Variants in SNTG1 observed in about 807,000 individuals in gnomAD.
SNTG1 encodes the protein gamma-1-syntrophin.
Under a neutral mutation model 74.7 loss-of-function variants are expected in SNTG1, and 39 were observed. The ratio of observed to expected loss-of-function variants is 0.52; its 90% CI spans 0.40 to 0.68. The LOEUF (loss-of-function observed/expected upper bound fraction) is 0.68, where lower values mean the gene tolerates loss of function less well. Among genes scored for constraint, SNTG1 ranks in the 30% least tolerant of loss-of-function variants. SNTG1 has a pLI of 0.00. For synonymous variants in SNTG1, 254 were observed against 217.1 expected, an observed-to-expected ratio of 1.17 and a Z score of -1.49; for missense variants, 685 against 609.5, an observed-to-expected ratio of 1.12 and a Z score of -1.30.
intron 2 of SNTG1, among the ~76,000 whole-genome samples, chr8:50,267,603 T>A (rs1278680471): frequency 2.6e-5 from 4 of 152,118 alleles, no homozygotes; most frequent in Admixed American, 2.6e-4. Flanking sequence ...ACTTAGCAGT[T>A]CCTCAAAATA....
intron 2 of SNTG1, among the ~76,000 whole-genome samples, chr8:50,216,077 G>A (rs1190390978): frequency 6.6e-6 from 1 of 152,054 alleles, no homozygotes; most frequent in Admixed American, 6.6e-5. Flanking sequence ...CTGATTCTTT[G>A]GTACTGACAG....
At chr8:50,543,424 G>A (rs998681283) in intron 11 of SNTG1, among the ~76,000 whole-genome samples, 1 of 151,312 alleles carries the variant, frequency 6.6e-6, no homozygotes, top group Admixed American at 6.6e-5. Context: ...TGCTCCATTG[G>A]TCTATGTGTC....
chr8:50,338,306 T>A (rs1175393562), intron 2 of SNTG1, among the ~76,000 whole-genome samples: 1 of 151,994 alleles, frequency 6.6e-6, no homozygotes, highest in East Asian at 1.9e-4. Context: ...GCAAGACAAA[T>A]GCAATAGCTC....
At chr8:49,969,208 G>A (rs1304496158) in intron 1 of SNTG1, among the ~76,000 whole-genome samples, 2 of 151,834 alleles carry the variant, frequency 1.3e-5, no homozygotes, top group African/African-American at 4.8e-5. Context: ...AAGAGGCTTG[G>A]TTTACTTTTT....
chr8:50,187,239 A>G (rs1480702509), intron 2 of SNTG1, among the ~76,000 whole-genome samples: 2 of 152,160 alleles, frequency 1.3e-5, no homozygotes, highest in Non-Finnish European at 2.9e-5. Flanking sequence ...ACAAAGCTGG[A>G]GGCACCCTGC....
At chr8:50,500,863 C>T (rs1412208071) in intron 8 of SNTG1, among the ~76,000 whole-genome samples, 1 of 152,040 alleles carries the variant, frequency 6.6e-6, no homozygotes, top group African/African-American at 2.4e-5. Flanking sequence ...ATGGAGGGTT[C>T]CTCCCTGCTG....
chr8:50,623,490 T>C (rs1245263028), intron 13 of SNTG1, among the ~76,000 whole-genome samples: 1 of 152,148 alleles, frequency 6.6e-6, no homozygotes, highest in Non-Finnish European at 1.5e-5. Context: ...AATGAAGTTC[T>C]AGAATAGGAA....
At position 50,394,213 on chromosome 8, in the gene SNTG1, C is replaced by CAA. The variant is rs1563327431; in HGVS notation, c.-26_-25insAA. On this transcript the variant is annotated splice_region_variant and 5_prime_UTR_variant, in exon 3 of 19. Coordinates refer to ENST00000642720, the MANE Select transcript of SNTG1 (RefSeq NM_018967.5). ...CTTACCATTTCTGTGTCTTTTCAGA[C>CAA]GACATCCTTTGTGGTGCCACAGCAC... 1 of 1,612,398 alleles carries CAA rather than the reference C, an allele frequency of 6.2e-7. No individual in the cohort carries two copies. Among genetic ancestry groups the CAA allele is most frequent in the Non-Finnish European group, 8.5e-7 (1 of 1,178,958 alleles).
chr8:50,398,758 C>T (rs928931900), intron 3 of SNTG1, among the ~76,000 whole-genome samples: 2 of 152,084 alleles, frequency 1.3e-5, no homozygotes, highest in East Asian at 1.9e-4. Context: ...GGTGAAACCC[C>T]GTCTCTACTA....
chr8:50,407,099 G>T (rs894233918), intron 4 of SNTG1, among the ~76,000 whole-genome samples: 2 of 152,042 alleles, frequency 1.3e-5, no homozygotes, highest in African/African-American at 2.4e-5. Flanking sequence ...GTGTTGTATT[G>T]CCACAATACA....
chr8:50,578,090 C>G (rs1317783226), intron 12 of SNTG1, among the ~76,000 whole-genome samples: 1 of 152,220 alleles, frequency 6.6e-6, no homozygotes. Flanking sequence ...TATGGACATT[C>G]TGCTAGACTG....
intron 2 of SNTG1, among the ~76,000 whole-genome samples, chr8:50,280,805 T>G (rs1404565266): frequency 6.6e-6 from 1 of 151,874 alleles, no homozygotes. Flanking sequence ...ATGGCAAATT[T>G]TTCCTGTCTG....
intron 8 of SNTG1, among the ~76,000 whole-genome samples, chr8:50,460,637 G>GT (rs2093552401): frequency 6.6e-6 from 1 of 152,072 alleles, no homozygotes; most frequent in Non-Finnish European, 1.5e-5. Context: ...TTAACTCTTT[G>GT]ATACATCTTG....
intron 1 of SNTG1, among the ~76,000 whole-genome samples, chr8:50,029,328 C>T (rs1193051224): frequency 1.3e-5 from 2 of 152,046 alleles, no homozygotes; most frequent in Non-Finnish European, 1.5e-5. Flanking sequence ...AAACATTTAT[C>T]ATTTCTTTGT....
chr8:50,376,756 T>TATATATATAGAGAG (rs1381048539), intron 2 of SNTG1, among the ~76,000 whole-genome samples: 54 of 89,938 alleles, frequency 6.0e-4, no homozygotes, highest in South Asian at 2.1e-3. Flanking sequence ...TATATATATA[T>TATATATATAGAGAG]AGAGAGAGAG....
At chr8:50,272,928 G>C (rs1282061164) in intron 2 of SNTG1, among the ~76,000 whole-genome samples, 1 of 149,840 alleles carries the variant, frequency 6.7e-6, no homozygotes, top group Non-Finnish European at 1.5e-5. Flanking sequence ...AAAAATTCTA[G>C]AGACAGAGTC....
chr8:50,146,124 T>C (rs1486924402), intron 1 of SNTG1, among the ~76,000 whole-genome samples: 1 of 152,110 alleles, frequency 6.6e-6, no homozygotes, highest in Non-Finnish European at 1.5e-5. Flanking sequence ...TAAGGAAATA[T>C]TTCAACTAAA....
chr8:50,781,237 G>A (rs2095658468), intron 18 of SNTG1, among the ~76,000 whole-genome samples: 1 of 152,192 alleles, frequency 6.6e-6, no homozygotes, highest in Admixed American at 6.5e-5. Context: ...GTGCAGAGCT[G>A]AGTTCAATTC....
At chr8:50,258,943 A>C (rs1217423613) in intron 2 of SNTG1, among the ~76,000 whole-genome samples, 2 of 152,142 alleles carry the variant, frequency 1.3e-5, no homozygotes, top group Non-Finnish European at 2.9e-5. Flanking sequence ...TTTACACACC[A>C]AAAAGTTCAA....
Sources: allele counts gnomAD v4.1 joint callset (sites outside exome capture counted in the v4.1 genomes callset), GRCh38; gene constraint gnomAD v4.1.1; transcripts MANE v1.5; gene names NCBI Gene and HGNC (gene_info 2026-07-23, HGNC 2026-07-21).